The following FRMD4B variants were observed in gnomAD, a reference collection of about 807,000 sequenced individuals.
The protein encoded by FRMD4B is FERM domain-containing protein 4B.
A neutral mutation model predicts 141.5 loss-of-function variants in FRMD4B; 74 were observed. That is an observed-to-expected ratio of 0.52 (90% CI 0.43 to 0.63). The LOEUF is 0.63. Ranked by LOEUF, FRMD4B falls within the 30% of genes least tolerant of loss-of-function variation. The pLI is 0.00. For synonymous variants in FRMD4B, 506 were observed against 467.9 expected (o/e 1.08, Z -1.05); for missense variants, 1,366 against 1,253.4 (o/e 1.09, Z -1.36).
intron 7 of FRMD4B, among the ~76,000 whole-genome samples, chr3:69,235,173 ATAAT>A (rs202239136): frequency 0.051 from 7,434 of 145,284 alleles, 232 homozygotes; most frequent in African/African-American, 0.079. Flanking sequence ...AATAATAATA[ATAAT>A]AATAATAATA....
At chr3:69,312,176 C>T (rs1459688963) in intron 2 of FRMD4B, among the ~76,000 whole-genome samples, 1 of 152,098 alleles carries the variant, frequency 6.6e-6, no homozygotes, top group Non-Finnish European at 1.5e-5. Flanking sequence ...TGGAACCAGC[C>T]AGAATGCCTG....
At chr3:69,319,284 G>A (rs189161635) in intron 1 of FRMD4B, among the ~76,000 whole-genome samples, 2 of 152,228 alleles carry the variant, frequency 1.3e-5, no homozygotes, top group East Asian at 3.9e-4. Flanking sequence ...TATAAGAAAT[G>A]TCCTGACAGC....
At chr3:69,397,852 T>C (rs530940771) in intron 2 of FRMD4B, among the ~76,000 whole-genome samples, 6 of 152,266 alleles carry the variant, frequency 3.9e-5, no homozygotes, top group South Asian at 2.1e-4. Context: ...ACATTTTACA[T>C]AGGTGAACTA....
intron 1 of FRMD4B, among the ~76,000 whole-genome samples, chr3:69,345,778 G>A (rs573531788): frequency 9.2e-5 from 14 of 152,308 alleles, no homozygotes; most frequent in African/African-American, 3.4e-4. Context: ...GGTCCTGACT[G>A]TTAGAAGGAA....
intron 19 of FRMD4B, among the ~76,000 whole-genome samples, chr3:69,185,506 A>G (rs2092756904): frequency 6.6e-6 from 1 of 152,020 alleles, no homozygotes; most frequent in African/African-American, 2.4e-5. Flanking sequence ...GTGGTATAAC[A>G]TGTTCACTGA....
intron 1 of FRMD4B, among the ~76,000 whole-genome samples, chr3:69,382,383 C>T (rs772324693): frequency 2.0e-5 from 3 of 152,186 alleles, no homozygotes; most frequent in Non-Finnish European, 4.4e-5. Context: ...CCATGTTGGC[C>T]ACGCTGGTCT....
At chr3:69,227,683 A>AAAAG (rs796775403) in intron 7 of FRMD4B, among the ~76,000 whole-genome samples, 95 of 151,938 alleles carry the variant, frequency 6.3e-4, no homozygotes, top group African/African-American at 1.9e-3. Flanking sequence ...AAAGAAAAGA[A>AAAAG]AAAGAAAGAA....
At chr3:69,536,061 C>A in intron 1 of FRMD4B, 2 of 430,400 alleles carry the variant, frequency 4.6e-6, no homozygotes, top group East Asian at 5.6e-5. Context: ...GCCTTCCTAG[C>A]CTCACCGGGC....
At chr3:69,511,862 T>C (rs1706695101) in intron 1 of FRMD4B, among the ~76,000 whole-genome samples, 3 of 152,198 alleles carry the variant, frequency 2.0e-5, no homozygotes, top group Admixed American at 6.5e-5. Context: ...GTATGTCCCT[T>C]GGACATGCTT....
chr3:69,504,799 G>T (rs1293695094), intron 1 of FRMD4B, among the ~76,000 whole-genome samples: 3 of 152,106 alleles, frequency 2.0e-5, no homozygotes, highest in Non-Finnish European at 4.4e-5. Context: ...TATATTCCTA[G>T]ACATGAAAAT....
chr3:69,296,765 G>C lies in FRMD4B; in HGVS notation c.416+5578C>G, dbSNP rs577758016. 1.5e-4 allele frequency among the ~76,000 whole-genome samples: 23 copies of C among 152,236 alleles called. 1 individual carries two copies. In the South Asian group the frequency reaches 4.4e-3, roughly 29 times the overall value. ...TACCATCTGATGGCTTTAAACAAAT[G>C]CATGGTTATCTGGTCACAAACATTT... is the stretch of plus-strand genomic sequence containing the variant. On this transcript the variant is annotated intron_variant, in intron 4 of 22. Transcript: ENST00000398540.
intron 11 of FRMD4B, chr3:69,200,818 C>T (rs1261165534): frequency 1.9e-6 from 1 of 514,852 alleles, no homozygotes; most frequent in East Asian, 6.8e-5. Context: ...TCACCCTGGA[C>T]ATGAACAGGT....
At chr3:69,497,053 T>C (rs1330456714) in intron 1 of FRMD4B, among the ~76,000 whole-genome samples, 2 of 152,058 alleles carry the variant, frequency 1.3e-5, no homozygotes, top group East Asian at 1.9e-4. Context: ...TTTTGGTCAA[T>C]AGGCTGTGGA....
At chr3:69,203,339 A>G in intron 11 of FRMD4B, among the ~76,000 whole-genome samples, 1 of 124,682 alleles carries the variant, frequency 8.0e-6, no homozygotes, top group East Asian at 2.0e-4. Context: ...AAAAAAAAAA[A>G]AAAAAGAAAG....
intron 10 of FRMD4B, 87 bp from the exon 11 acceptor site, chr3:69,216,436 T>C: frequency 3.0e-6 from 2 of 662,270 alleles, no homozygotes; most frequent in Non-Finnish European, 5.2e-6. Context: ...CCTCTTTTTT[T>C]TTTTTTTTTT....
chr3:69,540,147 CG>C (rs1169723324), intron 1 of FRMD4B, among the ~76,000 whole-genome samples: 2 of 151,076 alleles, frequency 1.3e-5, no homozygotes, highest in African/African-American at 2.4e-5. Context: ...GAGCCGCGAT[CG>C]CGCCACTGCA....
At chr3:69,176,388 G>A in intron 22 of FRMD4B, 136 bp downstream of exon 22, 3 of 689,932 alleles carry the variant, frequency 4.3e-6, no homozygotes, top group Non-Finnish European at 5.1e-6. Context: ...TACCAAAACA[G>A]ATGGCAGCTG....
intron 5 of FRMD4B, among the ~76,000 whole-genome samples, chr3:69,254,398 C>T (rs1035393698): frequency 6.6e-6 from 1 of 152,026 alleles, no homozygotes. Context: ...CGTGAGCCAC[C>T]GTACCCAGCC....
At position 69,178,612 on chromosome 3, in the gene FRMD4B, G is replaced by C. The variant is rs141407494; in HGVS notation, c.2852-1956C>G. Among the ~76,000 whole-genome samples, 27 of 151,312 alleles carry C rather than the reference G, an allele frequency of 1.8e-4. No individual in the cohort carries two copies. The East Asian group carries it at 4.7e-3, about 26-fold the overall frequency. ...GCGTTGAGCCAAGGAGTTTGAGACT[G>C]AGTGAGGTATAATAGTATCACTGCA... On this transcript the variant is annotated intron_variant, in intron 21 of 22. Coordinates refer to ENST00000398540, the MANE Select transcript of FRMD4B (RefSeq NM_015123.3).
Sources: gnomAD v4.1 joint callset for allele counts (sites outside exome capture counted in the v4.1 genomes callset) on GRCh38, gnomAD v4.1.1 for gene constraint, MANE v1.5 for transcripts, NCBI Gene and HGNC (gene_info 2026-07-23, HGNC 2026-07-21) for gene names.